MTDH: variants seen among roughly 807,000 people sequenced by gnomAD.
The protein encoded by MTDH is metadherin.
Under a neutral mutation model 72.7 loss-of-function variants are expected in MTDH, and 34 were observed. The observed-to-expected ratio is 0.47, with a 90% confidence interval of 0.36 to 0.62. The LOEUF is 0.62. Among genes scored for constraint, MTDH ranks in the 20% least tolerant of loss-of-function variants. The pLI, the probability that MTDH is intolerant of heterozygous loss-of-function variation, is 0.00. For synonymous variants in MTDH, 266 were observed against 268.9 expected, an observed-to-expected ratio of 0.99 and a Z score of 0.10; for missense variants, 677 against 699.4, an observed-to-expected ratio of 0.97 and a Z score of 0.36.
chr8:97,722,895 C>T lies in MTDH; in HGVS notation c.1538C>T (p.Pro513Leu), dbSNP rs1815186547. Residue 513 changes from proline (P) to leucine (L), a missense_variant, in exon 11 of 12, where the codon CCA becomes CTA. This residue lies in a region of MTDH where 201 missense variants were observed against 204.5 expected (regional missense o/e 0.98). Coordinates refer to ENST00000336273, the MANE Select transcript of MTDH (RefSeq NM_178812.4). Reference protein sequence around the residue: ...VKNSQPIKTLPPATSTEPSVI... With the variant: ...VKNSQPIKTLLPATSTEPSVI... ...CTAAAATAGCCTATCAAGACTCTTCCACCTGCTACTTCTACCGAGCCATCT... is the reference window on the plus strand; with the variant it reads ...CTAAAATAGCCTATCAAGACTCTTCTACCTGCTACTTCTACCGAGCCATCT... 6.2e-7 allele frequency: 1 copy of T among 1,611,182 alleles called. No individual in the cohort carries two copies. The highest frequency in any genetic ancestry group is 8.5e-7 in the Non-Finnish European group (1 of 1,179,158).
rs7002767 is a variant in MTDH at position 97,647,212 on chromosome 8, G to C, written c.381+2325G>C. ...ACAGGGATACAAAGGTTAAAGCTCA[G>C]TTTCTCCCCAGGGAGCTTTTTGTTT... is the stretch of plus-strand genomic sequence containing the variant. On this transcript the variant is annotated intron_variant, in intron 1 of 11. Coordinates refer to ENST00000336273, the MANE Select transcript of MTDH (RefSeq NM_178812.4). 9.0e-3 allele frequency among the ~76,000 whole-genome samples: 1,377 copies of C among 152,288 alleles called. 12 individuals carry two copies. The highest frequency in any genetic ancestry group is 0.03 in the African/African-American group (1,230 of 41,552).
intron 8 of MTDH, among the ~76,000 whole-genome samples, chr8:97,712,496 A>T (rs1014033418): frequency 1.5e-4 from 23 of 152,124 alleles, no homozygotes; most frequent in African/African-American, 5.6e-4. Flanking sequence ...ATTGAAGGAC[A>T]TTTGTGTCCT....
Position 97,670,085 on chromosome 8 carries a change from CAT to C in MTDH, c.483+8913_483+8914del, listed in dbSNP as rs529140284. Among the ~76,000 whole-genome samples, 825 of 152,252 alleles carry C rather than the reference CAT, an allele frequency of 5.4e-3. 4 individuals carry two copies. Among genetic ancestry groups the C allele is most frequent in the African/African-American group, 0.017 (724 of 41,538 alleles). On this transcript the variant is annotated intron_variant, in intron 2 of 11. Coordinates refer to ENST00000336273, the MANE Select transcript of MTDH (RefSeq NM_178812.4). ...GTCCCATCACTTTAGGAGGCTGAGACATGTGGATCACTTGAGGCCAAGAGTTT... is the reference window on the plus strand; with the variant it reads ...GTCCCATCACTTTAGGAGGCTGAGACGTGGATCACTTGAGGCCAAGAGTTT...
chr8:97,722,377 G>T (rs532464344), intron 10 of MTDH, among the ~76,000 whole-genome samples: 1 of 152,122 alleles, frequency 6.6e-6, no homozygotes, highest in Admixed American at 6.6e-5. Flanking sequence ...TGAGGCAGGC[G>T]GATCACGAAG....
At chr8:97,652,500 T>C (rs1811811808) in intron 1 of MTDH, among the ~76,000 whole-genome samples, 1 of 152,230 alleles carries the variant, frequency 6.6e-6, no homozygotes, top group African/African-American at 2.4e-5. Flanking sequence ...ATAGTGGTTA[T>C]TACAGTTTGT....
At chr8:97,681,138 A>C (rs1813052496) in intron 2 of MTDH, among the ~76,000 whole-genome samples, 1 of 152,096 alleles carries the variant, frequency 6.6e-6, no homozygotes, top group African/African-American at 2.4e-5. Context: ...AAAAAAAATG[A>C]GTACAGGCCA....
At chr8:97,658,096 A>T (rs997127736) in intron 1 of MTDH, among the ~76,000 whole-genome samples, 1 of 152,030 alleles carries the variant, frequency 6.6e-6, no homozygotes, top group South Asian at 2.1e-4. Flanking sequence ...TACTTTTGGG[A>T]TAGGAGGCTT....
At position 97,723,046 on chromosome 8, in the gene MTDH, C is replaced by T. The variant is rs1212824665; in HGVS notation, c.1678+11C>T. 2 of 1,611,164 alleles carry T rather than the reference C, an allele frequency of 1.2e-6. No homozygotes were observed. The highest frequency in any genetic ancestry group is 1.7e-6 in the Non-Finnish European group (2 of 1,178,876). ...TGCCTCCTTCACAGAGTAAGTAATC[C>T]TCATTTTTTGTTCCTTTGTACTGTT... On this transcript the variant is annotated intron_variant, in intron 11 of 11. Coordinates refer to ENST00000336273, the MANE Select transcript of MTDH (RefSeq NM_178812.4).
At chr8:97,700,865 A>G (rs1012263559) in intron 7 of MTDH, among the ~76,000 whole-genome samples, 3 of 152,126 alleles carry the variant, frequency 2.0e-5, no homozygotes, top group African/African-American at 4.8e-5. Flanking sequence ...CTTGGTGATG[A>G]TAGTAATCAT....
intron 6 of MTDH, among the ~76,000 whole-genome samples, chr8:97,697,184 T>C (rs1586259347): frequency 7.3e-6 from 1 of 137,772 alleles, no homozygotes; most frequent in Non-Finnish European, 1.5e-5. Flanking sequence ...ACTAATTTTG[T>C]AGTTCCGCAG....
At chr8:97,698,077 T>C (rs1813944314) in intron 6 of MTDH, among the ~76,000 whole-genome samples, 1 of 152,206 alleles carries the variant, frequency 6.6e-6, no homozygotes, top group South Asian at 2.1e-4. Context: ...AGATAATATA[T>C]TAGTGGAATG....
chr8:97,648,218 A>AG (rs1346526009), intron 1 of MTDH, among the ~76,000 whole-genome samples: 4 of 152,000 alleles, frequency 2.6e-5, no homozygotes, highest in African/African-American at 4.8e-5. Context: ...ATTAAAAGTG[A>AG]GGGGGGCCAC....
chr8:97,724,461 C>G (rs923897612), intron 11 of MTDH, 139 bp from the exon 12 acceptor site: 3 of 571,980 alleles, frequency 5.2e-6, no homozygotes, highest in East Asian at 3.0e-5. Flanking sequence ...AAATATATAA[C>G]GAGGGCTTGA....
intron 10 of MTDH, 27 bp from the exon 11 acceptor site, chr8:97,722,852 A>G: frequency 6.3e-7 from 1 of 1,577,108 alleles, no homozygotes; most frequent in Non-Finnish European, 8.6e-7. Context: ...TCACCAAAAA[A>G]CCTGAGATGA....
At chr8:97,645,987 C>A (rs76222758) in intron 1 of MTDH, among the ~76,000 whole-genome samples, 1 of 152,006 alleles carries the variant, frequency 6.6e-6, no homozygotes, top group African/African-American at 2.4e-5. Flanking sequence ...AAGGTATACA[C>A]GTAGAGTCAG....
At chr8:97,656,301 CTTTTTTT>C (rs34020581) in intron 1 of MTDH, among the ~76,000 whole-genome samples, 1 of 117,944 alleles carries the variant, frequency 8.5e-6, no homozygotes, top group Non-Finnish European at 1.7e-5. Context: ...ATTAAGCATA[CTTTTTTT>C]TTTTTTTTTT....
At chr8:97,694,845 C>T (rs1170948515) in intron 6 of MTDH, among the ~76,000 whole-genome samples, 1 of 151,932 alleles carries the variant, frequency 6.6e-6, no homozygotes, top group African/African-American at 2.4e-5. Flanking sequence ...ATTGCTTAAA[C>T]CTGGGAAGCG....
At chr8:97,699,885 T>C in intron 7 of MTDH, 33 bp downstream of exon 7, 1 of 1,425,852 alleles carries the variant, frequency 7.0e-7, no homozygotes. Context: ...AGTTATTTTT[T>C]TTCAGAGTTT....
chr8:97,648,209 T>C (rs1238527710), intron 1 of MTDH, among the ~76,000 whole-genome samples: 1 of 152,170 alleles, frequency 6.6e-6, no homozygotes, highest in Non-Finnish European at 1.5e-5. Context: ...TGTTCCCTAA[T>C]TAAAAGTGAG....
Sources: allele counts gnomAD v4.1 joint callset (sites outside exome capture counted in the v4.1 genomes callset), GRCh38; gene constraint gnomAD v4.1.1; regional missense constraint gnomAD v4.1.1; transcripts MANE v1.5; gene names NCBI Gene and HGNC (gene_info 2026-07-23, HGNC 2026-07-21).